NCKAP5: variants seen among roughly 807,000 people sequenced by gnomAD.
NCKAP5 encodes the protein nck-associated protein 5.
In NCKAP5, 92 loss-of-function variants were observed where a neutral mutation model predicts 167.0. That is an observed-to-expected ratio of 0.55 (90% CI 0.47 to 0.66). The LOEUF is 0.66. NCKAP5 is among the 30% of genes least tolerant of loss of function. The pLI, the probability that NCKAP5 is intolerant of heterozygous loss-of-function variation, is 0.00. For missense variants in NCKAP5, 2,378 were observed against 2,315.0 expected (o/e 1.03, Z -0.56); for synonymous variants, 891 against 877.4 (o/e 1.02, Z -0.27).
chr2:132,709,145 A>ACC (rs200395347), intron 19 of NCKAP5, among the ~76,000 whole-genome samples: 18 of 141,284 alleles, frequency 1.3e-4, no homozygotes, highest in African/African-American at 5.3e-4. Flanking sequence ...CATAATATCT[A>ACC]CACCCCCCCA....
intron 6 of NCKAP5, among the ~76,000 whole-genome samples, chr2:133,048,879 A>G (rs1436926324): frequency 6.6e-6 from 1 of 152,152 alleles, no homozygotes; most frequent in Non-Finnish European, 1.5e-5. Context: ...TGTTCAGAGC[A>G]GTGTAATCAT....
At chr2:133,106,292 CAAAAAAA>C (rs10612612) in intron 6 of NCKAP5, among the ~76,000 whole-genome samples, 30 of 76,848 alleles carry the variant, frequency 3.9e-4, no homozygotes, top group African/African-American at 1.1e-3. Flanking sequence ...GACTCCGTCT[CAAAAAAA>C]AAAAAAAAAA....
At chr2:132,928,418 T>C (rs1488957309) in intron 8 of NCKAP5, among the ~76,000 whole-genome samples, 4 of 152,196 alleles carry the variant, frequency 2.6e-5, no homozygotes, top group Non-Finnish European at 5.9e-5. Context: ...AACAAAGACA[T>C]GGTTTGTGTC....
At chr2:132,738,542 A>G (rs1691735554) in intron 16 of NCKAP5, among the ~76,000 whole-genome samples, 1 of 152,230 alleles carries the variant, frequency 6.6e-6, no homozygotes, top group Non-Finnish European at 1.5e-5. Context: ...TACTCATTAT[A>G]TGAACTTCTT....
chr2:132,795,863 C>G (rs72847221), intron 12 of NCKAP5, among the ~76,000 whole-genome samples: 19,534 of 134,350 alleles, frequency 0.15, 2,191 homozygotes, highest in East Asian at 0.25. Context: ...GAGAATGAAG[C>G]CCAGAGTTTC....
At chr2:133,621,123 G>C in the NCKAP5 span, among the ~76,000 whole-genome samples, 1 of 152,072 alleles carries the variant, frequency 6.6e-6, no homozygotes, top group East Asian at 1.9e-4. Context: ...AGCAAAAGCG[G>C]TGCTAGAAGA....
At chr2:133,626,561 A>C in the NCKAP5 span, among the ~76,000 whole-genome samples, 1 of 152,148 alleles carries the variant, frequency 6.6e-6, no homozygotes, top group Non-Finnish European at 1.5e-5. Context: ...TTCTCATTCA[A>C]AGTATAAAGA....
intron 6 of NCKAP5, among the ~76,000 whole-genome samples, chr2:133,040,406 C>A (rs571015513): frequency 6.6e-6 from 1 of 152,276 alleles, no homozygotes; most frequent in African/African-American, 2.4e-5. Context: ...CTGTGAATGT[C>A]ATCTACCACA....
chr2:133,497,011 A>C (rs1682010970), intron 3 of NCKAP5, among the ~76,000 whole-genome samples: 1 of 152,238 alleles, frequency 6.6e-6, no homozygotes, highest in South Asian at 2.1e-4. Context: ...CTTAGCACTT[A>C]CTGTCAGCAC....
At chr2:132,779,694 C>A (rs185154513) in intron 15 of NCKAP5, among the ~76,000 whole-genome samples, 32 of 151,850 alleles carry the variant, frequency 2.1e-4, no homozygotes, top group Admixed American at 1.4e-3. Context: ...GAGTCAAGAG[C>A]TATTTGAATA....
intron 6 of NCKAP5, among the ~76,000 whole-genome samples, chr2:133,098,245 A>G (rs1437100927): frequency 6.6e-6 from 1 of 152,230 alleles, no homozygotes; most frequent in East Asian, 1.9e-4. Context: ...AACATCTGCA[A>G]ACTTGAATGC....
At chr2:133,368,725 C>T (rs1390831408) in intron 3 of NCKAP5, among the ~76,000 whole-genome samples, 1 of 152,214 alleles carries the variant, frequency 6.6e-6, no homozygotes, top group African/African-American at 2.4e-5. Flanking sequence ...AGAAATATAA[C>T]TAGGAAGCAA....
intron 3 of NCKAP5, among the ~76,000 whole-genome samples, chr2:133,435,085 T>C (rs981574276): frequency 1.3e-5 from 2 of 152,206 alleles, no homozygotes; most frequent in Non-Finnish European, 2.9e-5. Flanking sequence ...GCCATGACTA[T>C]TACACCATCT....
intron 8 of NCKAP5, among the ~76,000 whole-genome samples, chr2:132,935,990 T>C (rs562201426): frequency 4.5e-4 from 68 of 151,646 alleles, no homozygotes; most frequent in African/African-American, 1.6e-3. Context: ...CTTTTTTTTT[T>C]TTTTTCCTTG....
intron 8 of NCKAP5, among the ~76,000 whole-genome samples, chr2:132,894,177 A>C (rs1692951585): frequency 6.6e-6 from 1 of 152,240 alleles, no homozygotes; most frequent in South Asian, 2.1e-4. Context: ...ATGCTATTGT[A>C]GCATTCCTTT....
intron 3 of NCKAP5, among the ~76,000 whole-genome samples, chr2:133,498,476 A>AGGC (rs1575063591): frequency 5.1e-5 from 6 of 118,376 alleles, no homozygotes; most frequent in Admixed American, 3.3e-4. Flanking sequence ...GGAAGGAAGG[A>AGGC]AGGAAGGCAG....
the NCKAP5 span, among the ~76,000 whole-genome samples, chr2:133,637,476 C>CAAAAAAAAAAAAAAAAAAAAAAAA: frequency 9.5e-5 from 3 of 31,666 alleles, no homozygotes; most frequent in African/African-American, 4.7e-4. Flanking sequence ...TGGTATTTTC[C>CAAAAAAAAAAAAAAAAAAAAAAAA]AAAAAAAAAA....
chr2:133,528,506 T>C (rs1685103889), intron 2 of NCKAP5, among the ~76,000 whole-genome samples: 1 of 152,064 alleles, frequency 6.6e-6, no homozygotes, highest in East Asian at 1.9e-4. Context: ...AGCCTGAGAG[T>C]CTGCATTTCT....
At chr2:133,492,126 C>A (rs969752504) in intron 3 of NCKAP5, among the ~76,000 whole-genome samples, 1 of 82,052 alleles carries the variant, frequency 1.2e-5, no homozygotes, top group Non-Finnish European at 2.7e-5. Flanking sequence ...CTACCTGTAT[C>A]CTATGCCATA....
Sources: allele counts gnomAD v4.1 joint callset (sites outside exome capture counted in the v4.1 genomes callset), GRCh38; gene constraint gnomAD v4.1.1; transcripts MANE v1.5; gene names NCBI Gene and HGNC (gene_info 2026-07-23, HGNC 2026-07-21).